Variants in MEGF11 observed in about 807,000 individuals in gnomAD.
MEGF11 encodes the protein multiple EGF like domains 11, also known as multiple epidermal growth factor-like domains protein 11.
A neutral mutation model predicts 146.6 loss-of-function variants in MEGF11; 126 were observed. That is an observed-to-expected ratio of 0.86 (90% CI 0.74 to 1.00). The LOEUF (loss-of-function observed/expected upper bound fraction) is 1.00, where lower values mean the gene tolerates loss of function less well. MEGF11 is among the 50% of genes least tolerant of loss of function. MEGF11 has a pLI of 0.00. For missense variants in MEGF11, 1,509 were observed against 1,521.2 expected (o/e 0.99, Z 0.13); for synonymous variants, 532 against 583.4 (o/e 0.91, Z 1.27).
intron 1 of MEGF11, among the ~76,000 whole-genome samples, chr15:66,253,180 G>A (rs1186062725): frequency 6.6e-6 from 1 of 152,192 alleles, no homozygotes; most frequent in Admixed American, 6.5e-5. Flanking sequence ...GGTGCAGTGA[G>A]TGCAGCCGGC....
chr15:65,970,464 CAG>C (rs1033269734), intron 8 of MEGF11, 87 bp downstream of exon 8: 4 of 1,410,614 alleles, frequency 2.8e-6, no homozygotes, highest in African/African-American at 1.4e-5. Context: ...GGAAGGCTGG[CAG>C]AGAGAGGGCT....
intron 12 of MEGF11, 70 bp downstream of exon 12, chr15:65,929,650 G>A (rs1488956072): frequency 2.0e-6 from 3 of 1,494,278 alleles, no homozygotes; most frequent in Non-Finnish European, 1.8e-6. Context: ...TCTTGTGGAC[G>A]AACTAACACC....
intron 13 of MEGF11, among the ~76,000 whole-genome samples, chr15:65,925,606 C>T (rs1047156251): frequency 3.9e-5 from 6 of 152,154 alleles, no homozygotes; most frequent in African/African-American, 7.2e-5. Flanking sequence ...CTTCCTGGGC[C>T]CCAGTTTTCG....
At chr15:66,065,086 A>G (rs2085067149) in intron 5 of MEGF11, among the ~76,000 whole-genome samples, 2 of 152,150 alleles carry the variant, frequency 1.3e-5, no homozygotes, top group Non-Finnish European at 2.9e-5. Flanking sequence ...GCACAGTCAC[A>G]GCTCAGAGGC....
intron 2 of MEGF11, among the ~76,000 whole-genome samples, chr15:66,126,242 C>G (rs2088337939): frequency 6.6e-6 from 1 of 152,214 alleles, no homozygotes; most frequent in Non-Finnish European, 1.5e-5. Context: ...GGCTAGATCC[C>G]TCCACATATA....
At chr15:65,963,580 C>G (rs578006957) in intron 9 of MEGF11, among the ~76,000 whole-genome samples, 1 of 152,214 alleles carries the variant, frequency 6.6e-6, no homozygotes, top group African/African-American at 2.4e-5. Flanking sequence ...CTGGTATTGT[C>G]TTGTATTTGA....
chr15:66,053,144 T>C (rs536486754), intron 5 of MEGF11, among the ~76,000 whole-genome samples: 1 of 152,292 alleles, frequency 6.6e-6, no homozygotes, highest in East Asian at 1.9e-4. Context: ...GTATGGATAA[T>C]AAATGGATAC....
chr15:65,985,045 A>G (rs2081805490), intron 5 of MEGF11, among the ~76,000 whole-genome samples: 1 of 152,206 alleles, frequency 6.6e-6, no homozygotes, highest in Admixed American at 6.5e-5. Context: ...CTGGGATTAC[A>G]AGTGTGAGCC....
chr15:66,036,513 A>G (rs927448245), intron 5 of MEGF11, among the ~76,000 whole-genome samples: 22 of 152,160 alleles, frequency 1.4e-4, no homozygotes, highest in Non-Finnish European at 2.6e-4. Flanking sequence ...TGTTGCCTCC[A>G]ATGTTTTGCT....
intron 5 of MEGF11, among the ~76,000 whole-genome samples, chr15:66,001,530 G>C (rs751260990): frequency 6.6e-6 from 1 of 151,908 alleles, no homozygotes; most frequent in Non-Finnish European, 1.5e-5. Flanking sequence ...ACCCTGAGAG[G>C]ACAGGAGGCT....
At chr15:66,142,835 G>A (rs570424841) in intron 1 of MEGF11, among the ~76,000 whole-genome samples, 46 of 152,346 alleles carry the variant, frequency 3.0e-4, no homozygotes, top group African/African-American at 9.1e-4. Context: ...AGGTGGTCTC[G>A]CTTGAGAAGA....
intron 23 of MEGF11, among the ~76,000 whole-genome samples, chr15:65,907,193 G>C (rs982213858): frequency 1.3e-5 from 2 of 152,180 alleles, no homozygotes; most frequent in Non-Finnish European, 2.9e-5. Context: ...GAGTTCCCAT[G>C]TTGAATTTGA....
intron 5 of MEGF11, among the ~76,000 whole-genome samples, chr15:66,026,484 A>C (rs1225444151): frequency 6.6e-6 from 1 of 152,110 alleles, no homozygotes; most frequent in African/African-American, 2.4e-5. Flanking sequence ...TTTGAAGCCT[A>C]GCATTATTAT....
chr15:65,935,641 A>G (rs1273029982), intron 10 of MEGF11, among the ~76,000 whole-genome samples: 2 of 152,122 alleles, frequency 1.3e-5, no homozygotes, highest in Non-Finnish European at 2.9e-5. Flanking sequence ...GTCAGCTCCT[A>G]ATAGCAAAAA....
chr15:66,105,633 T>C (rs2087033034), intron 4 of MEGF11, among the ~76,000 whole-genome samples: 1 of 152,222 alleles, frequency 6.6e-6, no homozygotes, highest in Admixed American at 6.5e-5. Flanking sequence ...GTAATAGAGA[T>C]ACTAATCTAG....
At chr15:66,000,850 C>T (rs774777694) in intron 5 of MEGF11, among the ~76,000 whole-genome samples, 1 of 152,160 alleles carries the variant, frequency 6.6e-6, no homozygotes, top group Non-Finnish European at 1.5e-5. Context: ...GGTGAAGGCA[C>T]TTGAGGTAGG....
chr15:65,985,453 G>A lies in MEGF11; in HGVS notation c.395-2965C>T, dbSNP rs146644593. On this transcript the variant is annotated intron_variant, in intron 5 of 25. Coordinates refer to ENST00000395614, the MANE Select transcript of MEGF11 (RefSeq NM_001385028.1). The stretch of plus-strand genomic sequence containing the variant: ...GGATCCAGCACAAGGAATTTCCTTC[G>A]TTTGTTGGGGCTGCAGTTACTGCCC... Among the ~76,000 whole-genome samples the A allele has an allele frequency of 8.0e-3, 1,210 of 152,100 alleles. 17 individuals carry two copies. The highest frequency in any genetic ancestry group is 0.027 in the African/African-American group (1,140 of 41,480).
rs1337492030 is a variant in MEGF11 at position 65,922,892 on chromosome 15, C to T, written c.1753G>A (p.Gly585Ser). 4 of 1,613,106 alleles carry T rather than the reference C, an allele frequency of 2.5e-6. No homozygotes were observed. The highest frequency in any genetic ancestry group is 3.4e-6 in the Non-Finnish European group (4 of 1,179,724). The change falls in exon 14 of 26, where the codon GGC becomes AGC. Residue 585 changes from glycine (G) to serine (S), a missense_variant. Physicochemically the swap from Gly to Ser is moderately conservative, Grantham distance 56. Transcript: ENST00000395614. The stretch of plus-strand genomic sequence containing the variant: ...CTCCCATCCTCTGGGGAGCAGGAGC[C>T]TCCATTCTCACAGCTGCAGGAGACA... ...CSVSCSCENG[G>S]SCSPEDGSCE...
At chr15:65,973,484 G>C (rs2081359278) in intron 7 of MEGF11, among the ~76,000 whole-genome samples, 5 of 152,160 alleles carry the variant, frequency 3.3e-5, no homozygotes, top group African/African-American at 1.2e-4. Flanking sequence ...ACTGGACATG[G>C]TGGCACCTGT....
Sources: gnomAD v4.1 joint callset for allele counts (sites outside exome capture counted in the v4.1 genomes callset) on GRCh38, gnomAD v4.1.1 for gene constraint, MANE v1.5 for transcripts, NCBI Gene and HGNC (gene_info 2026-07-23, HGNC 2026-07-21) for gene names.